The following ME3 variants were observed in gnomAD, a reference collection of about 807,000 sequenced individuals.
ME3 encodes NADP-dependent malic enzyme, mitochondrial.
ME3 carries 48 observed loss-of-function variants against 68.9 expected under a neutral mutation model. The ratio of observed to expected loss-of-function variants is 0.70; its 90% CI spans 0.55 to 0.89. The LOEUF is 0.89. Among genes scored for constraint, ME3 ranks in the 40% least tolerant of loss-of-function variants. The pLI, the probability that ME3 is intolerant of heterozygous loss-of-function variation, is 0.00. For missense variants in ME3, 675 were observed against 797.4 expected, an observed-to-expected ratio of 0.85 and a Z score of 1.85; for synonymous variants, 320 against 318.8, an observed-to-expected ratio of 1.00 and a Z score of -0.04.
intron 4 of ME3, among the ~76,000 whole-genome samples, chr11:86,552,924 G>A (rs936423522): frequency 6.6e-6 from 1 of 152,164 alleles, no homozygotes; most frequent in Non-Finnish European, 1.5e-5. Flanking sequence ...GATGTGGCCT[G>A]GGAGAGGGAG....
At chr11:86,671,560 A>T in intron 2 of ME3, 1 of 592,920 alleles carries the variant, frequency 1.7e-6, no homozygotes. Flanking sequence ...TCCCTGCATT[A>T]CTGGTCGCCT....
chr11:86,490,963 C>T (rs1335712811), intron 6 of ME3, among the ~76,000 whole-genome samples: 2 of 152,074 alleles, frequency 1.3e-5, no homozygotes, highest in African/African-American at 4.8e-5. Flanking sequence ...AAAGGTCAAC[C>T]ATAATGAGAT....
chr11:86,513,616 T>G (rs633708), intron 4 of ME3, among the ~76,000 whole-genome samples: 121,518 of 152,056 alleles, frequency 0.8, 48,795 homozygotes, highest in South Asian at 0.84. Flanking sequence ...GAGGTGGGAA[T>G]TGTACCAAAC....
At chr11:86,606,080 C>T (rs2135157347) in intron 2 of ME3, among the ~76,000 whole-genome samples, 1 of 152,202 alleles carries the variant, frequency 6.6e-6, no homozygotes, top group Non-Finnish European at 1.5e-5. Flanking sequence ...AGACTCCACC[C>T]CTCCTCCCTC....
At chr11:86,518,850 C>T (rs942831763) in intron 4 of ME3, among the ~76,000 whole-genome samples, 2 of 152,112 alleles carry the variant, frequency 1.3e-5, no homozygotes, top group Admixed American at 6.5e-5. Context: ...CAGGGACATG[C>T]AGGAAGAAAT....
intron 2 of ME3, among the ~76,000 whole-genome samples, chr11:86,664,528 C>G (rs114400733): frequency 0.012 from 1,879 of 152,292 alleles, 46 homozygotes; most frequent in African/African-American, 0.042. Flanking sequence ...GCAAATCTCC[C>G]TCTTGTGTTC....
At chr11:86,626,878 T>G in intron 2 of ME3, among the ~76,000 whole-genome samples, 1 of 152,220 alleles carries the variant, frequency 6.6e-6, no homozygotes, top group East Asian at 1.9e-4. Flanking sequence ...CATTATATTA[T>G]ATCCCCTCTG....
chr11:86,558,549 G>T (rs945065515), intron 3 of ME3, among the ~76,000 whole-genome samples: 1 of 152,114 alleles, frequency 6.6e-6, no homozygotes, highest in Non-Finnish European at 1.5e-5. Flanking sequence ...TGAGTGCAGG[G>T]TGACCCTGGC....
intron 4 of ME3, among the ~76,000 whole-genome samples, chr11:86,548,740 C>G: frequency 6.6e-6 from 1 of 152,138 alleles, no homozygotes; most frequent in Admixed American, 6.5e-5. Flanking sequence ...TACTAATATC[C>G]TCACTTTATA....
At chr11:86,555,255 A>G (rs1956871510) in intron 4 of ME3, among the ~76,000 whole-genome samples, 1 of 152,202 alleles carries the variant, frequency 6.6e-6, no homozygotes, top group African/African-American at 2.4e-5. Context: ...TTTAAGCCCT[A>G]GGGAGCTGCT....
intron 2 of ME3, among the ~76,000 whole-genome samples, chr11:86,611,034 C>A (rs981391077): frequency 5.3e-5 from 8 of 152,136 alleles, no homozygotes; most frequent in African/African-American, 1.7e-4. Context: ...TGGGTCTCAA[C>A]CTCATATATA....
At chr11:86,583,585 A>G (rs1293835510) in intron 2 of ME3, among the ~76,000 whole-genome samples, 3 of 152,188 alleles carry the variant, frequency 2.0e-5, no homozygotes, top group African/African-American at 4.8e-5. Context: ...AAGAAATACT[A>G]CAAAGCAGGT....
At chr11:86,653,276 A>C (rs936999305) in intron 2 of ME3, among the ~76,000 whole-genome samples, 3 of 152,318 alleles carry the variant, frequency 2.0e-5, no homozygotes, top group African/African-American at 4.8e-5. Context: ...CTCCACCCCA[A>C]ATCAACAGAT....
chr11:86,624,489 C>T (rs543519050), intron 2 of ME3, among the ~76,000 whole-genome samples: 2 of 152,222 alleles, frequency 1.3e-5, no homozygotes, highest in South Asian at 4.2e-4. Context: ...TTCCCAATGC[C>T]CCACTCAACC....
chr11:86,648,156 C>T (rs534450787), intron 2 of ME3, among the ~76,000 whole-genome samples: 2 of 152,318 alleles, frequency 1.3e-5, no homozygotes, highest in South Asian at 4.1e-4. Flanking sequence ...TCCTGAATGA[C>T]TACTGGGTAA....
intron 2 of ME3, among the ~76,000 whole-genome samples, chr11:86,654,412 T>C (rs1945705263): frequency 1.3e-5 from 2 of 152,236 alleles, no homozygotes; most frequent in Non-Finnish European, 2.9e-5. Flanking sequence ...TCAAGTGGGC[T>C]TCACCCCTGG....
intron 6 of ME3, among the ~76,000 whole-genome samples, chr11:86,492,246 A>T (rs922943062): frequency 1.3e-5 from 2 of 152,224 alleles, no homozygotes; most frequent in Non-Finnish European, 2.9e-5. Context: ...CTCCCCAGCT[A>T]ATTGTACAGT....
intron 4 of ME3, among the ~76,000 whole-genome samples, chr11:86,530,249 A>T (rs79048672): frequency 0.18 from 27,368 of 151,906 alleles, 2,823 homozygotes; most frequent in African/African-American, 0.28. Flanking sequence ...CCATTCACAA[A>T]TGCTTCAAAG....
intron 4 of ME3, among the ~76,000 whole-genome samples, chr11:86,525,958 T>C (rs978003433): frequency 6.6e-6 from 1 of 151,578 alleles, no homozygotes; most frequent in African/African-American, 2.4e-5. Flanking sequence ...AGAAGACGTA[T>C]GATTTCTGCA....
Sources: gnomAD v4.1 joint callset for allele counts (sites outside exome capture counted in the v4.1 genomes callset) on GRCh38, gnomAD v4.1.1 for gene constraint, MANE v1.5 for transcripts, NCBI Gene and HGNC (gene_info 2026-07-23, HGNC 2026-07-21) for gene names.